The following CFAP61 variants were observed in gnomAD, a reference collection of about 807,000 sequenced individuals.
CFAP61 encodes cilia and flagella associated protein 61, also known as cilia- and flagella-associated protein 61.
Under a neutral mutation model 135.6 loss-of-function variants are expected in CFAP61, and 107 were observed. The ratio of observed to expected loss-of-function variants is 0.79; its 90% CI spans 0.67 to 0.93. The LOEUF is 0.93. Ranked by LOEUF, CFAP61 falls within the 40% of genes least tolerant of loss-of-function variation. CFAP61 has a pLI of 0.00. For synonymous variants in CFAP61, 575 were observed against 578.5 expected, an observed-to-expected ratio of 0.99 and a Z score of 0.09; for missense variants, 1,507 against 1,556.2, an observed-to-expected ratio of 0.97 and a Z score of 0.53.
intron 25 of CFAP61, chr20:20,323,289 AC>A: frequency 1.2e-5 from 12 of 985,368 alleles, no homozygotes; most frequent in Non-Finnish European, 1.4e-5. Context: ...ACAACAAACA[AC>A]CCTAAATTTT....
In CFAP61 at chr20:20,164,222, A is replaced by T. The variant is rs1425003989; in HGVS notation, c.1199A>T (p.Glu400Val). 1.2e-6 allele frequency: 2 copies of T among 1,612,722 alleles called. No individual in the cohort carries two copies. Among genetic ancestry groups the T allele is most frequent in the South Asian group, 1.1e-5 (1 of 90,828 alleles). ...CTGTTTTGTATTGATGAGAAATATG[A>T]AGCAAGGCAAGTACTGACCTTCTGG... ...IQLFCIDEKY[E>V]ARSLDFMNFV... The change falls in exon 11 of 27, where the codon GAA becomes GTA. Residue 400 changes from glutamate to valine, a missense_variant. Transcript: ENST00000245957.
chr20:20,119,882 A>G (rs2049477805), intron 8 of CFAP61, among the ~76,000 whole-genome samples: 1 of 152,174 alleles, frequency 6.6e-6, no homozygotes, highest in African/African-American at 2.4e-5. Flanking sequence ...TATGAGTGAG[A>G]ACATGGAGTA....
intron 25 of CFAP61, among the ~76,000 whole-genome samples, chr20:20,340,125 G>C (rs560658208): frequency 3.7e-4 from 57 of 152,328 alleles, no homozygotes; most frequent in Admixed American, 2.5e-3. Context: ...CCCTGGGCCA[G>C]CCATCATGGG....
intron 25 of CFAP61, among the ~76,000 whole-genome samples, chr20:20,333,589 A>G (rs1386905761): frequency 1.3e-5 from 2 of 152,212 alleles, no homozygotes; most frequent in East Asian, 3.8e-4. Context: ...TAGAGATCAG[A>G]GCAAGGAGAG....
At chr20:20,281,181 G>T (rs1038387574) in intron 22 of CFAP61, among the ~76,000 whole-genome samples, 2 of 152,084 alleles carry the variant, frequency 1.3e-5, no homozygotes, top group Non-Finnish European at 2.9e-5. Context: ...CCATAAACAT[G>T]TCATGCAAAT....
At chr20:20,098,842 G>A in intron 8 of CFAP61, 28 bp downstream of exon 8, 2 of 1,593,926 alleles carry the variant, frequency 1.3e-6, no homozygotes, top group Non-Finnish European at 1.7e-6. Context: ...GGGACACACT[G>A]GGAAATTAAA....
At chr20:20,280,719 T>C (rs2145052) in intron 22 of CFAP61, among the ~76,000 whole-genome samples, 2,903 of 152,310 alleles carry the variant, frequency 0.019, 84 homozygotes, top group African/African-American at 0.066. Flanking sequence ...AATATTTTTA[T>C]TTCTCTTAGC....
intron 21 of CFAP61, 58 bp from the exon 22 acceptor site, chr20:20,277,108 G>A (rs2053818582): frequency 7.3e-7 from 1 of 1,367,018 alleles, no homozygotes; most frequent in African/African-American, 1.4e-5. Flanking sequence ...ATTAGCATTT[G>A]ACTAAGGTTT....
In CFAP61 at chr20:20,277,181, A is replaced by G. The variant is rs749106519; in HGVS notation, c.2519A>G (p.Tyr840Cys). Reference protein sequence around the residue: ...SITTEGNIIVYGNTIDTYTTV... With the variant: ...SITTEGNIIVCGNTIDTYTTV... ...TCTTTCCTAGGGAATATCATTGTCT[A>G]TGGGAATACAATTGATACTTACACC... The change falls in exon 22 of 27, where the codon TAT (tyrosine) becomes TGT (cysteine). Residue 840 changes from tyrosine (Y) to cysteine (C), a missense_variant. Physicochemically the swap from Tyr to Cys is radical, Grantham distance 194 (BLOSUM62 -2). Transcript: ENST00000245957. 3 of 1,609,644 alleles carry G rather than the reference A, an allele frequency of 1.9e-6. No homozygotes were observed. The highest frequency in any genetic ancestry group is 1.7e-5 in the Admixed American group (1 of 59,938).
rs527682311 is a variant in CFAP61, at chr20:20,309,146, G to A, written c.3422+10760G>A. Among the ~76,000 whole-genome samples, 90 of 152,308 alleles carry A rather than the reference G, an allele frequency of 5.9e-4. No homozygotes were observed. The South Asian group carries it at 6.8e-3, about 12-fold the overall frequency. ...TGGGCAGTAGGGATTCACAGGTGCA[G>A]CATTCTCCTTCTTTCCCTCCTACAC... On this transcript the variant is annotated intron_variant, in intron 25 of 26. Coordinates refer to ENST00000245957, the MANE Select transcript of CFAP61 (RefSeq NM_015585.4).
At chr20:20,283,974 C>A (rs1391016812) in intron 22 of CFAP61, among the ~76,000 whole-genome samples, 1 of 152,226 alleles carries the variant, frequency 6.6e-6, no homozygotes, top group Non-Finnish European at 1.5e-5. Flanking sequence ...TCACCTTACA[C>A]ATTCACAGTT....
chr20:20,336,483 G>T (rs893275854), intron 25 of CFAP61, among the ~76,000 whole-genome samples: 1 of 152,058 alleles, frequency 6.6e-6, no homozygotes, highest in Non-Finnish European at 1.5e-5. Context: ...AAATTAGGCA[G>T]GTGTGATGGT....
At chr20:20,119,556 T>G (rs777217085) in intron 8 of CFAP61, among the ~76,000 whole-genome samples, 2 of 152,188 alleles carry the variant, frequency 1.3e-5, no homozygotes, top group Non-Finnish European at 2.9e-5. Flanking sequence ...AAAAACCAAT[T>G]TTTCATTTTG....
At chr20:20,344,372 G>C (rs1356702911) in intron 26 of CFAP61, among the ~76,000 whole-genome samples, 4 of 152,070 alleles carry the variant, frequency 2.6e-5, no homozygotes, top group Non-Finnish European at 5.9e-5. Flanking sequence ...CAGATATACA[G>C]GAATTTCACC....
At chr20:20,079,509 G>A (rs552120233) in intron 6 of CFAP61, among the ~76,000 whole-genome samples, 1 of 152,232 alleles carries the variant, frequency 6.6e-6, no homozygotes, top group Non-Finnish European at 1.5e-5. Flanking sequence ...CAGAGAGAGG[G>A]AGGCCAGAAA....
At chr20:20,354,166 C>T (rs1222552124) in intron 26 of CFAP61, among the ~76,000 whole-genome samples, 1 of 152,132 alleles carries the variant, frequency 6.6e-6, no homozygotes. Context: ...TCTGTTCTGT[C>T]ATTTTCAACA....
chr20:20,167,895 T>G (rs751450109), intron 12 of CFAP61, among the ~76,000 whole-genome samples: 1 of 152,182 alleles, frequency 6.6e-6, no homozygotes, highest in Non-Finnish European at 1.5e-5. Flanking sequence ...AAGAGCAGGC[T>G]GCTTCTGCAG....
At chr20:20,284,811 A>G (rs1331598067) in intron 22 of CFAP61, among the ~76,000 whole-genome samples, 1 of 152,206 alleles carries the variant, frequency 6.6e-6, no homozygotes, top group African/African-American at 2.4e-5. Flanking sequence ...GTAAGGCAAT[A>G]TTGTAATCTT....
intron 26 of CFAP61, among the ~76,000 whole-genome samples, chr20:20,357,873 C>T (rs868625145): frequency 2.3e-5 from 2 of 87,814 alleles, no homozygotes; most frequent in African/African-American, 4.2e-5. Context: ...GGTGGTCACA[C>T]TGAGGGGAGG....
Sources: gnomAD v4.1 joint callset for allele counts (sites outside exome capture counted in the v4.1 genomes callset) on GRCh38, gnomAD v4.1.1 for gene constraint, MANE v1.5 for transcripts, NCBI Gene and HGNC (gene_info 2026-07-23, HGNC 2026-07-21) for gene names.